Variants in LNX2 observed in about 807,000 individuals in gnomAD.
LNX2 encodes ligand of Numb protein X 2.
LNX2 carries 35 observed loss-of-function variants against 66.2 expected under a neutral mutation model. That is an observed-to-expected ratio of 0.53 (90% CI 0.40 to 0.70). The LOEUF (loss-of-function observed/expected upper bound fraction) is 0.70. Among genes scored for constraint, LNX2 ranks in the 30% least tolerant of loss-of-function variants. The probability of loss-of-function intolerance (pLI) is 0.00; values close to 1 mark genes in which losing one functional copy is unlikely to be tolerated. For missense variants in LNX2, 791 were observed against 850.8 expected (o/e 0.93, Z 0.87); for synonymous variants, 337 against 315.6 (o/e 1.07, Z -0.72).
chr13:27,610,757 G>A (rs557307475), intron 1 of LNX2, among the ~76,000 whole-genome samples: 4 of 152,176 alleles, frequency 2.6e-5, no homozygotes, highest in African/African-American at 4.8e-5. Context: ...GAATATGTGA[G>A]GTACTCCTAC....
intron 1 of LNX2, among the ~76,000 whole-genome samples, chr13:27,603,685 C>T (rs776748123): frequency 3.9e-5 from 6 of 152,164 alleles, no homozygotes; most frequent in Non-Finnish European, 5.9e-5. Flanking sequence ...TCTTACCTGT[C>T]AAGGGGCAGC....
intron 1 of LNX2, among the ~76,000 whole-genome samples, chr13:27,589,228 T>A (rs1049487907): frequency 6.6e-6 from 1 of 152,224 alleles, no homozygotes; most frequent in African/African-American, 2.4e-5. Context: ...CAGAGCCTCT[T>A]CCTACTGGAA....
intron 1 of LNX2, among the ~76,000 whole-genome samples, chr13:27,605,727 T>TA (rs1404472858): frequency 1.3e-5 from 2 of 152,128 alleles, no homozygotes; most frequent in Admixed American, 1.3e-4. Flanking sequence ...GAATGAAACT[T>TA]AAAGTTCCTA....
intron 8 of LNX2, 125 bp downstream of exon 8, chr13:27,553,083 G>T: frequency 1.4e-6 from 1 of 712,174 alleles, no homozygotes; most frequent in Non-Finnish European, 2.4e-6. Context: ...TTGATTTGAT[G>T]TTGCTATTTT....
At chr13:27,602,133 CT>C (rs879661069) in intron 1 of LNX2, among the ~76,000 whole-genome samples, 33 of 147,238 alleles carry the variant, frequency 2.2e-4, no homozygotes, top group Middle Eastern at 3.5e-3. Context: ...ATGTGCAAAA[CT>C]TTTTTTTTTT....
At chr13:27,600,736 C>A (rs562246893) in intron 1 of LNX2, among the ~76,000 whole-genome samples, 44 of 152,154 alleles carry the variant, frequency 2.9e-4, no homozygotes, top group Non-Finnish European at 5.6e-4. Flanking sequence ...CAGTGTCAGA[C>A]CCCTTGTTCT....
In LNX2 at chr13:27,552,654, G is replaced by A. The variant is rs530592524; in HGVS notation, c.1778+554C>T. 1.3e-4 allele frequency among the ~76,000 whole-genome samples: 20 copies of A among 152,246 alleles called. No individual in the cohort carries two copies. The South Asian group carries it at 3.7e-3, about 28-fold the overall frequency. ...AGGTTCCATGTGCTTCTGTGACCCCGACACTGACCAACCACAGCATATCTT... is the reference window on the plus strand; with the variant it reads ...AGGTTCCATGTGCTTCTGTGACCCCAACACTGACCAACCACAGCATATCTT... On this transcript the variant is annotated intron_variant, in intron 8 of 9. Transcript: ENST00000316334.
rs1455760895 is a variant in LNX2 at position 27,553,614 on chromosome 13, C to G, written c.1547-175G>C. Reference sequence around the variant, plus strand: ...AATTTTTATAATATTGAGAAGAAACCCAATACACAGAAAACATTCCATAAT... The same window carrying G: ...AATTTTTATAATATTGAGAAGAAACGCAATACACAGAAAACATTCCATAAT... On this transcript the variant is annotated intron_variant, in intron 7 of 9. Transcript: ENST00000316334. Among the ~76,000 whole-genome samples the G allele has an allele frequency of 4.6e-5, 7 of 151,766 alleles. No homozygotes were observed. In the South Asian group the frequency reaches 6.3e-4, roughly 14 times the overall value.
chr13:27,609,739 A>G (rs7988820), intron 1 of LNX2, among the ~76,000 whole-genome samples: 6,374 of 152,316 alleles, frequency 0.042, 166 homozygotes, highest in East Asian at 0.11. Flanking sequence ...ACATTCTGCA[A>G]AAGGGATTCA....
intron 9 of LNX2, 67 bp from the exon 10 acceptor site, chr13:27,548,537 T>G: frequency 6.6e-7 from 1 of 1,520,846 alleles, no homozygotes; most frequent in East Asian, 2.3e-5. Flanking sequence ...CCAATTGAGA[T>G]TTATGTAGCA....
intron 1 of LNX2, among the ~76,000 whole-genome samples, chr13:27,593,429 CCA>C (rs1264097170): frequency 6.6e-6 from 1 of 152,126 alleles, no homozygotes; most frequent in Non-Finnish European, 1.5e-5. Context: ...CCTCCATCAG[CCA>C]CAGAGACTAG....
rs1258821900 is a variant in LNX2 at position 27,611,385 on chromosome 13, T to C, written c.-101+8990A>G. On this transcript the variant is annotated intron_variant, in intron 1 of 9. Transcript: ENST00000316334. ...CATATATTGTATGATTTCATTTACA[T>C]GCGGTATCTAAAGTACTCAAATTCT... Among the ~76,000 whole-genome samples the C allele has an allele frequency of 3.9e-5, 6 of 152,210 alleles. No individual in the cohort carries two copies. In the East Asian group the frequency reaches 1.2e-3, roughly 29 times the overall value.
intron 1 of LNX2, among the ~76,000 whole-genome samples, chr13:27,587,809 C>G (rs1955504603): frequency 1.3e-5 from 2 of 151,974 alleles, no homozygotes; most frequent in Non-Finnish European, 2.9e-5. Flanking sequence ...ATCACAAGGT[C>G]AGGAGATCAA....
At chr13:27,555,829 C>A (rs1055136677) in intron 7 of LNX2, among the ~76,000 whole-genome samples, 2 of 152,202 alleles carry the variant, frequency 1.3e-5, no homozygotes, top group Admixed American at 6.6e-5. Flanking sequence ...TATGAAATGG[C>A]AAATGCATTT....
At chr13:27,606,973 T>C (rs1955724041) in intron 1 of LNX2, among the ~76,000 whole-genome samples, 2 of 152,210 alleles carry the variant, frequency 1.3e-5, no homozygotes, top group Admixed American at 1.3e-4. Context: ...AGACAATGCT[T>C]TTTCTTTACT....
At chr13:27,557,914 A>G (rs1413691774) in intron 6 of LNX2, among the ~76,000 whole-genome samples, 1 of 152,020 alleles carries the variant, frequency 6.6e-6, no homozygotes, top group Non-Finnish European at 1.5e-5. Flanking sequence ...ACTCAGGTAA[A>G]CTCAACCTTG....
At chr13:27,568,738 T>C (rs770867376) in intron 3 of LNX2, among the ~76,000 whole-genome samples, 2 of 152,286 alleles carry the variant, frequency 1.3e-5, no homozygotes, top group African/African-American at 2.4e-5. Flanking sequence ...CAGACAGTAA[T>C]AACCACGCGA....
rs975705513 is a variant in LNX2 at position 27,545,940 on chromosome 13, T to C, written c.*2395A>G. 11 of 152,126 alleles carry C rather than the reference T, an allele frequency of 7.2e-5. No individual in the cohort carries two copies. The highest frequency in any genetic ancestry group is 5.9e-4 in the Admixed American group (9 of 15,264). The allele number at this position is 152,126 out of a possible 1,614,324, so 9.4% of individuals were successfully genotyped here. ...ACAGAAAGGATGACTTTTATTTCCA[T>C]CCTGAATGATTCACACCATTATTTA... is the stretch of plus-strand genomic sequence containing the variant. On this transcript the variant is annotated 3_prime_UTR_variant, in exon 10 of 10. Coordinates refer to ENST00000316334, the MANE Select transcript of LNX2 (RefSeq NM_153371.4).
chr13:27,583,211 T>TGCGCGCGCGC (rs1555268472), intron 1 of LNX2, among the ~76,000 whole-genome samples: 1 of 24,376 alleles, frequency 4.1e-5, no homozygotes, highest in African/African-American at 2.3e-4. Flanking sequence ...TGTGTGTGTG[T>TGCGCGCGCGC]GTGTGTGTGT....
Sources: allele counts gnomAD v4.1 joint callset (sites outside exome capture counted in the v4.1 genomes callset), GRCh38; gene constraint gnomAD v4.1.1; transcripts MANE v1.5; gene names NCBI Gene and HGNC (gene_info 2026-07-23, HGNC 2026-07-21).